The following ADGRL1 variants were observed in gnomAD, a reference collection of about 807,000 sequenced individuals.
The protein encoded by ADGRL1 is adhesion G protein-coupled receptor L1, also known as CIRL-1.
In ADGRL1, 31 loss-of-function variants were observed where a neutral mutation model predicts 148.9. That is an observed-to-expected ratio of 0.21 (90% CI 0.16 to 0.28). The LOEUF is 0.28. Among genes scored for constraint, ADGRL1 ranks in the 10% least tolerant of loss-of-function variants. The pLI is 1.00. For missense variants in ADGRL1, 1,521 were observed against 2,058.8 expected (o/e 0.74, Z 5.05); for synonymous variants, 937 against 900.3 (o/e 1.04, Z -0.73).
Position 14,159,981 on chromosome 19 carries a change from G to T in ADGRL1, c.1800+131C>A, listed in dbSNP as rs192019085. On this transcript the variant is annotated intron_variant, in intron 8 of 22. Coordinates refer to ENST00000361434, the MANE Select transcript of ADGRL1 (RefSeq NM_014921.5). This position sits in a 1 kb window ranked among gnomAD's most constrained non-coding sequence, Gnocchi z 6.0. ...ACCCGGCAGTCCTTGGCGGAGAGGG[G>T]GGGGTCCTTCCTCTCTGAGGAAAGG... The T allele has an allele frequency of 1.9e-3, 2,081 of 1,080,386 alleles. 33 individuals carry two copies. In the African/African-American group the frequency reaches 0.03, roughly 15 times the overall value. The allele number at this position is 1,080,386 out of a possible 1,614,324, so 66.9% of individuals were successfully genotyped here.
At chr19:14,194,878 CTCT>C (rs1307252424) in intron 1 of ADGRL1, among the ~76,000 whole-genome samples, 1 of 149,010 alleles carries the variant, frequency 6.7e-6, no homozygotes. Flanking sequence ...CTTCTTTCTT[CTCT>C]TTTTTTTTTT....
chr19:14,184,716 T>C (rs1971475911), intron 1 of ADGRL1, among the ~76,000 whole-genome samples: 1 of 151,236 alleles, frequency 6.6e-6, no homozygotes, highest in Non-Finnish European at 1.5e-5. Flanking sequence ...CTCAGCTCAC[T>C]GCAAGCTCCG....
rs1280813271 is a variant in ADGRL1 at position 14,151,122 on chromosome 19, C to T, written c.4161G>A (p.Arg1387=). 1.3e-6 allele frequency: 2 copies of T among 1,575,220 alleles called. No individual in the cohort carries two copies. Among genetic ancestry groups the T allele is most frequent in the East Asian group, 2.3e-5 (1 of 43,448 alleles). ...TGCTGTCCGGGTAGGAGGGTGAGTC[C>T]CGCAGGTTGGCCCCGCTGGCATAGA... The part of the protein sequence containing the change: ...DSLYASGANL[R]DSPSYPDSSP... The change falls in exon 23 of 23, where the codon CGG becomes CGA. Residue 1387 remains arginine (R), a synonymous_variant. Transcript: ENST00000361434.
At chr19:14,177,179 T>G (rs965623639) in intron 3 of ADGRL1, among the ~76,000 whole-genome samples, 1 of 151,824 alleles carries the variant, frequency 6.6e-6, no homozygotes, top group African/African-American at 2.4e-5. Context: ...TGCAGTGAGC[T>G]GAGATGCCAC....
In ADGRL1 at chr19:14,159,380, C is replaced by T. The variant is rs1159643702; in HGVS notation, c.2023+21G>A. On this transcript the variant is annotated intron_variant, in intron 10 of 22. Transcript: ENST00000361434. This position sits in a 1 kb window ranked among gnomAD's most constrained non-coding sequence, Gnocchi z 6.0. ...TTTAAGGTTCGTATCTGAGTTTGCC[C>T]TGGGTGACTGTGGCACTCACCCACG... 3 of 1,593,432 alleles carry T rather than the reference C, an allele frequency of 1.9e-6. No homozygotes were observed. Among genetic ancestry groups the T allele is most frequent in the African/African-American group, 1.3e-5 (1 of 74,606 alleles).
intron 1 of ADGRL1, among the ~76,000 whole-genome samples, chr19:14,188,042 A>T (rs923427612): frequency 5.9e-5 from 9 of 152,100 alleles, no homozygotes; most frequent in Non-Finnish European, 1.2e-4. Flanking sequence ...GGCTGCAGTA[A>T]GCTATGATCC....
intron 22 of ADGRL1, among the ~76,000 whole-genome samples, 193 bp from the exon 23 acceptor site, chr19:14,151,808 G>A (rs974942258): frequency 6.6e-6 from 1 of 152,174 alleles, no homozygotes; most frequent in Non-Finnish European, 1.5e-5. Flanking sequence ...CAGCCCAGCA[G>A]CGTATTGATG....
intron 16 of ADGRL1, 120 bp downstream of exon 16, chr19:14,156,538 G>A (rs1968765755): frequency 1.3e-6 from 1 of 767,838 alleles, no homozygotes; most frequent in Non-Finnish European, 2.1e-6. Context: ...GTTCCGATGT[G>A]TGGAGAGAGA....
Position 14,162,160 on chromosome 19 carries a change from G to A in ADGRL1, c.1195+446C>T, listed in dbSNP as rs540272974. ...ACAGAGCTAGCAGGGCAGCTAGGCG[G>A]GGCAAAAGAAGACTGCAGAGTTGCC... On this transcript the variant is annotated intron_variant, in intron 5 of 22. Coordinates refer to ENST00000361434, the MANE Select transcript of ADGRL1 (RefSeq NM_014921.5). The surrounding 1 kb of genome is among the most constrained non-coding windows in gnomAD (Gnocchi z 5.4). 1.3e-5 allele frequency among the ~76,000 whole-genome samples: 2 copies of A among 152,290 alleles called. No individual in the cohort carries two copies. The highest frequency in any genetic ancestry group is 6.5e-5 in the Admixed American group (1 of 15,302).
In ADGRL1 at chr19:14,152,092, T is replaced by C. The variant is rs1414218723; in HGVS notation, c.3667+41A>G. ...CTGAGAAGGCCACTGTCTGTCCCTC[T>C]CCCAGCCTCAGAAACATCCCCAGGG... On this transcript the variant is annotated intron_variant, in intron 22 of 22. Transcript: ENST00000361434. The surrounding 1 kb of genome is among the most constrained non-coding windows in gnomAD (Gnocchi z 6.1). 2 of 1,590,412 alleles carry C rather than the reference T, an allele frequency of 1.3e-6. No individual in the cohort carries two copies. The highest frequency in any genetic ancestry group is 2.7e-5 in the African/African-American group (2 of 74,340).
intron 3 of ADGRL1, among the ~76,000 whole-genome samples, chr19:14,175,031 C>T (rs1323041916): frequency 6.6e-6 from 1 of 151,788 alleles, no homozygotes; most frequent in East Asian, 1.9e-4. Context: ...CTAGTAGAGA[C>T]AGGGTCTTGC....
intron 3 of ADGRL1, among the ~76,000 whole-genome samples, chr19:14,174,220 G>A (rs2087797047): frequency 6.6e-6 from 1 of 152,006 alleles, no homozygotes; most frequent in African/African-American, 2.4e-5. Context: ...TCAGCAGGGA[G>A]AATTTGGAGA....
intron 1 of ADGRL1, chr19:14,191,267 G>A: frequency 2.2e-6 from 1 of 456,592 alleles, no homozygotes; most frequent in South Asian, 1.5e-5. Flanking sequence ...CGCAGACATG[G>A]GCCTCTGCCA....
rs781225729 is a variant in ADGRL1 at position 14,152,339 on chromosome 19, G to T, written c.3619C>A (p.Pro1207Thr). 1.1e-5 allele frequency: 18 copies of T among 1,598,118 alleles called. 2 individuals carry two copies. The South Asian group carries it at 1.8e-4, about 16-fold the overall frequency. The change falls in exon 21 of 23, where the codon CCC becomes ACC. Residue 1207 changes from proline (P) to threonine (T), a missense_variant. Pro to Thr is a conservative substitution (Grantham distance 38). Around this residue, in one of 8 missense-constraint regions of ADGRL1, gnomAD observed 390 missense variants for 375.0 expected, o/e 1.04. Transcript: ENST00000361434. This position sits in a 1 kb window ranked among gnomAD's most constrained non-coding sequence, Gnocchi z 6.1. ...TLIAESVGFN[P>T]SSPPVFNSPG... ...GAGTTGAAGACAGGGGGCGAGGAGG[G>T]ATTGAAGCCCACTGACTCGGCGATG...
In ADGRL1 at chr19:14,158,523, T is replaced by G; in HGVS notation, c.2179A>C (p.Asn727His). The change falls in exon 12 of 23, where the codon AAC (asparagine) becomes CAC (histidine). Residue 727 changes from asparagine to histidine, a missense_variant. This residue lies in a region of ADGRL1 where 265 missense variants were observed against 431.9 expected (regional missense o/e 0.61). Transcript: ENST00000361434. ...GVVKVVFILY[N>H]NLGLFLSTEN... Reference sequence around the variant, plus strand: ...GTGGACAGGAAGAGGCCCAGGTTGTTGTAGAGGATGAAGACAACTTTGACC... The same window carrying G: ...GTGGACAGGAAGAGGCCCAGGTTGTGGTAGAGGATGAAGACAACTTTGACC... 1 of 1,613,946 alleles carries G rather than the reference T, an allele frequency of 6.2e-7. No homozygotes were observed. The highest frequency in any genetic ancestry group is 8.5e-7 in the Non-Finnish European group (1 of 1,179,998).
At position 14,152,299 on chromosome 19, in the gene ADGRL1, G is replaced by A. The variant is rs775681408; in HGVS notation, c.3649+10C>T. On this transcript the variant is annotated intron_variant, in intron 21 of 22. Transcript: ENST00000361434. This position sits in a 1 kb window ranked among gnomAD's most constrained non-coding sequence, Gnocchi z 6.1. Reference sequence around the variant, plus strand: ...TTTCCCAACCTGGGATGTTTCCCCCGTGCTCTCACCTGGGGAGTTGAAGAC... The same window carrying A: ...TTTCCCAACCTGGGATGTTTCCCCCATGCTCTCACCTGGGGAGTTGAAGAC... 1.6e-5 allele frequency: 26 copies of A among 1,602,364 alleles called. No individual in the cohort carries two copies. Among genetic ancestry groups the A allele is most frequent in the Admixed American group, 5.1e-5 (3 of 59,392 alleles).
At chr19:14,158,160 CCTGGGGT>C in intron 12 of ADGRL1, 108 bp from the exon 13 acceptor site, 1 of 1,325,876 alleles carries the variant, frequency 7.5e-7, no homozygotes, top group African/African-American at 1.5e-5. Context: ...CAAAGAAGTG[CCTGGGGT>C]CTGGGGCTCC....
chr19:14,175,846 G>C (rs1262450154), intron 3 of ADGRL1, among the ~76,000 whole-genome samples: 3 of 152,054 alleles, frequency 2.0e-5, no homozygotes, highest in Non-Finnish European at 4.4e-5. Context: ...CCTGAGGTCA[G>C]GAGTTCAAGA....
chr19:14,185,992 A>G (rs1971549939), intron 1 of ADGRL1, among the ~76,000 whole-genome samples: 1 of 152,194 alleles, frequency 6.6e-6, no homozygotes, highest in Non-Finnish European at 1.5e-5. Context: ...GGTGTATAGA[A>G]TGTCCTCTTC....
Sources: allele counts gnomAD v4.1 joint callset (sites outside exome capture counted in the v4.1 genomes callset), GRCh38; gene constraint gnomAD v4.1.1; regional missense constraint gnomAD v4.1.1; non-coding constraint Gnocchi (gnomAD v3.1); transcripts MANE v1.5; gene names NCBI Gene and HGNC (gene_info 2026-07-23, HGNC 2026-07-21).